SYN3: variants seen among roughly 807,000 people sequenced by gnomAD.
SYN3 encodes the protein synapsin-3.
A neutral mutation model predicts 65.8 loss-of-function variants in SYN3; 35 were observed. That is an observed-to-expected ratio of 0.53 (90% CI 0.41 to 0.70). The LOEUF is 0.70. SYN3 is among the 30% of genes least tolerant of loss of function. The pLI is 0.00. For missense variants in SYN3, 680 were observed against 749.0 expected (o/e 0.91, Z 1.08); for synonymous variants, 270 against 292.9 (o/e 0.92, Z 0.80).
chr22:32,997,015 C>T (rs189991673), intron 2 of SYN3, among the ~76,000 whole-genome samples: 7 of 152,296 alleles, frequency 4.6e-5, no homozygotes, highest in South Asian at 4.1e-4. Flanking sequence ...TCCTGCTCCC[C>T]GAGGTCAACA....
chr22:32,983,072 T>C (rs2052417271), intron 2 of SYN3, among the ~76,000 whole-genome samples: 1 of 152,236 alleles, frequency 6.6e-6, no homozygotes, highest in Non-Finnish European at 1.5e-5. Flanking sequence ...TTTTCTCTTT[T>C]TGATTATTGG....
intron 6 of SYN3, among the ~76,000 whole-genome samples, chr22:32,646,469 C>T (rs1374046904): frequency 6.6e-6 from 1 of 152,168 alleles, no homozygotes; most frequent in Non-Finnish European, 1.5e-5. Flanking sequence ...CATAAGGTCG[C>T]TTATTTAGTG....
intron 4 of SYN3, among the ~76,000 whole-genome samples, chr22:32,927,263 CTTTTTT>C (rs5845052): frequency 8.0e-6 from 1 of 125,556 alleles, no homozygotes. Flanking sequence ...AATATATTTA[CTTTTTT>C]TTTTTTTTTT....
intron 1 of SYN3, among the ~76,000 whole-genome samples, chr22:33,044,351 T>C (rs2054020555): frequency 6.6e-6 from 1 of 152,184 alleles, no homozygotes. Flanking sequence ...AGACATTCTG[T>C]CCACGTGGCT....
chr22:32,666,089 T>A (rs2060286036), intron 6 of SYN3, among the ~76,000 whole-genome samples: 1 of 152,156 alleles, frequency 6.6e-6, no homozygotes, highest in South Asian at 2.1e-4. Context: ...ACCCAATCCA[T>A]GAGCAAATCC....
At chr22:32,601,811 T>C (rs1430296223) in intron 6 of SYN3, among the ~76,000 whole-genome samples, 1 of 152,084 alleles carries the variant, frequency 6.6e-6, no homozygotes, top group African/African-American at 2.4e-5. Flanking sequence ...GATGGATTTG[T>C]GCTAGTGGTG....
Position 32,776,677 on chromosome 22 carries a change from A to G in SYN3, c.711+88238T>C, listed in dbSNP as rs111254498. 3.8e-4 allele frequency among the ~76,000 whole-genome samples: 58 copies of G among 152,306 alleles called. 1 individual carries two copies. Among genetic ancestry groups the G allele is most frequent in the African/African-American group, 1.2e-3 (51 of 41,566 alleles). On this transcript the variant is annotated intron_variant, in intron 6 of 13. Transcript: ENST00000358763. ...ACGCAGCCTTGAGCAATGGCTTACC[A>G]TGCTCCCTCTGCACTACCCTAAGTG...
intron 6 of SYN3, among the ~76,000 whole-genome samples, chr22:32,673,196 G>T (rs969014038): frequency 3.9e-5 from 6 of 152,212 alleles, no homozygotes; most frequent in African/African-American, 1.4e-4. Context: ...GGCAAAGGTG[G>T]TCATGCTTTG....
At chr22:32,612,548 A>G (rs2059459497) in intron 6 of SYN3, among the ~76,000 whole-genome samples, 1 of 152,238 alleles carries the variant, frequency 6.6e-6, no homozygotes, top group Non-Finnish European at 1.5e-5. Context: ...AAAAGTATAG[A>G]GAAATACTGG....
chr22:32,832,454 T>C (rs576956905), intron 6 of SYN3, among the ~76,000 whole-genome samples: 45 of 151,326 alleles, frequency 3.0e-4, no homozygotes, highest in African/African-American at 1.1e-3. Flanking sequence ...AGAAAATGAA[T>C]GGAAAAAAAC....
intron 6 of SYN3, among the ~76,000 whole-genome samples, chr22:32,808,692 C>G (rs751521031): frequency 2.2e-4 from 33 of 152,228 alleles, no homozygotes; most frequent in Non-Finnish European, 3.1e-4. Flanking sequence ...TCATTAACTT[C>G]TCATTCTCTA....
At chr22:32,916,804 A>G (rs2050198777) in intron 4 of SYN3, among the ~76,000 whole-genome samples, 1 of 152,234 alleles carries the variant, frequency 6.6e-6, no homozygotes, top group Admixed American at 6.5e-5. Context: ...TTTGAATGTC[A>G]ATAAACTAGT....
At chr22:32,621,739 T>C (rs573182097) in intron 6 of SYN3, among the ~76,000 whole-genome samples, 5 of 152,252 alleles carry the variant, frequency 3.3e-5, no homozygotes, top group Admixed American at 6.5e-5. Context: ...AGAAAGACAT[T>C]ATGGAATCTC....
intron 8 of SYN3, among the ~76,000 whole-genome samples, chr22:32,540,127 G>A (rs192524482): frequency 2.7e-4 from 41 of 152,328 alleles, no homozygotes; most frequent in African/African-American, 9.1e-4. Context: ...GGGCTCAGTA[G>A]TTGCAACAGA....
intron 7 of SYN3, among the ~76,000 whole-genome samples, chr22:32,578,245 C>G (rs2058882644): frequency 6.7e-6 from 1 of 148,926 alleles, no homozygotes; most frequent in Non-Finnish European, 1.5e-5. Context: ...CTTGCTTTCT[C>G]TCTCTCTCCC....
intron 3 of SYN3, among the ~76,000 whole-genome samples, chr22:32,959,647 T>A (rs1250036192): frequency 6.6e-6 from 1 of 151,598 alleles, no homozygotes. Flanking sequence ...CAGGCTGGAG[T>A]GCAATGATGC....
chr22:32,693,333 C>T (rs2060692026), intron 6 of SYN3, among the ~76,000 whole-genome samples: 1 of 151,860 alleles, frequency 6.6e-6, no homozygotes, highest in Non-Finnish European at 1.5e-5. Context: ...AGCGTGGGTA[C>T]AGTGGACAAA....
intron 6 of SYN3, among the ~76,000 whole-genome samples, chr22:32,684,937 T>C (rs112228265): frequency 0.01 from 1,558 of 152,264 alleles, 22 homozygotes; most frequent in African/African-American, 0.035. Flanking sequence ...GAGGACGAAA[T>C]GAGATAAAGT....
Position 33,008,924 on chromosome 22 carries a change from C to CAAAAAAAAAAAAAAAAAAAAAAAA in SYN3, c.-162-2124_-162-2101dup, listed in dbSNP as rs201719238. Reference sequence around the variant, plus strand: ...TGGGTGACAGAGTAAGACTTTATCTCAAAAAAAAAAAAAAAAAAAAAAAAA... The same window carrying CAAAAAAAAAAAAAAAAAAAAAAAA: ...TGGGTGACAGAGTAAGACTTTATCTCAAAAAAAAAAAAAAAAAAAAAAAAAAAAAAAAAAAAAAAAAAAAAAAAA... On this transcript the variant is annotated intron_variant, in intron 1 of 13. Coordinates refer to ENST00000358763, the MANE Select transcript of SYN3 (RefSeq NM_003490.4). 5.3e-5 allele frequency among the ~76,000 whole-genome samples: 3 copies of CAAAAAAAAAAAAAAAAAAAAAAAA among 57,100 alleles called. 1 individual carries two copies. Among genetic ancestry groups the CAAAAAAAAAAAAAAAAAAAAAAAA allele is most frequent in the African/African-American group, 1.3e-4 (2 of 15,464 alleles). The allele number at this position is 57,100 out of a possible 152,430, so 37.5% of individuals were successfully genotyped here.
Sources: allele counts gnomAD v4.1 joint callset (sites outside exome capture counted in the v4.1 genomes callset), GRCh38; gene constraint gnomAD v4.1.1; transcripts MANE v1.5; gene names NCBI Gene and HGNC (gene_info 2026-07-23, HGNC 2026-07-21).